ZNF277: variants seen among roughly 807,000 people sequenced by gnomAD.
The protein encoded by ZNF277 is nuclear receptor-interacting factor 4.
A neutral mutation model predicts 60.7 loss-of-function variants in ZNF277; 55 were observed. That is an observed-to-expected ratio of 0.91 (90% CI 0.73 to 1.13). The LOEUF (loss-of-function observed/expected upper bound fraction) is 1.13. Ranked by LOEUF, ZNF277 falls within the 50% of genes most tolerant of loss-of-function variation. The pLI is 0.00. For synonymous variants in ZNF277, 178 were observed against 179.3 expected, an observed-to-expected ratio of 0.99 and a Z score of 0.06; for missense variants, 510 against 523.0, an observed-to-expected ratio of 0.98 and a Z score of 0.24.
chr7:112,217,189 G>T (rs1459496449), intron 1 of ZNF277, among the ~76,000 whole-genome samples: 1 of 152,186 alleles, frequency 6.6e-6, no homozygotes, highest in Admixed American at 6.5e-5. Context: ...ACATTAGAGT[G>T]ATATACATAG....
intron 1 of ZNF277, among the ~76,000 whole-genome samples, chr7:112,209,797 T>C (rs1341773512): frequency 6.6e-6 from 1 of 152,226 alleles, no homozygotes; most frequent in East Asian, 1.9e-4. Context: ...CAAGTATGTC[T>C]TTCCCTGTAA....
rs1373194326 is a variant in ZNF277 at position 112,295,884 on chromosome 7, G to A, written c.309G>A (p.Trp103Ter). ...VADFQRYILY[W>*]RKRFTEQPIT... ...TTGTTCTAAGGTACATTTTATATTG[G>A]AGGAAAAGGTTCACTGAACAGCCCA... The change falls in exon 3 of 12, where the codon TGG (tryptophan) becomes TGA (stop). Residue 103 changes from tryptophan (W) to a stop codon, truncating the protein, a stop_gained. Coordinates refer to ENST00000361822, the MANE Select transcript of ZNF277 (RefSeq NM_021994.3). LOFTEE classifies it high-confidence loss of function. The A allele has an allele frequency of 1.2e-6, 2 of 1,611,738 alleles. No homozygotes were observed. Among genetic ancestry groups the A allele is most frequent in the South Asian group, 2.2e-5 (2 of 90,974 alleles).
intron 1 of ZNF277, among the ~76,000 whole-genome samples, chr7:112,282,458 T>G (rs1791968633): frequency 6.6e-6 from 1 of 152,260 alleles, no homozygotes; most frequent in Non-Finnish European, 1.5e-5. Context: ...CCTGCTTTTC[T>G]ACATGTATTC....
intron 1 of ZNF277, among the ~76,000 whole-genome samples, chr7:112,239,689 T>A (rs921371357): frequency 2.6e-5 from 4 of 152,282 alleles, no homozygotes; most frequent in Admixed American, 2.0e-4. Context: ...TTATTCAGTC[T>A]GAAAGAAAAG....
At chr7:112,308,288 G>A (rs1415214213) in intron 4 of ZNF277, among the ~76,000 whole-genome samples, 11 of 152,130 alleles carry the variant, frequency 7.2e-5, no homozygotes, top group Admixed American at 2.0e-4. Context: ...GGCGAGGCGG[G>A]CAGATCACTT....
intron 4 of ZNF277, among the ~76,000 whole-genome samples, chr7:112,305,097 C>G (rs1792559776): frequency 6.6e-6 from 1 of 152,072 alleles, no homozygotes; most frequent in Non-Finnish European, 1.5e-5. Context: ...ATGCTCTTCT[C>G]TAGAATCTCA....
chr7:112,315,629 A>G (rs1792827404), intron 4 of ZNF277, among the ~76,000 whole-genome samples: 1 of 152,116 alleles, frequency 6.6e-6, no homozygotes, highest in South Asian at 2.1e-4. Context: ...TATGTCTTGA[A>G]TTTCGAATAC....
chr7:112,335,089 T>G (rs1793303989), intron 7 of ZNF277, among the ~76,000 whole-genome samples: 1 of 152,186 alleles, frequency 6.6e-6, no homozygotes, highest in Admixed American at 6.5e-5. Flanking sequence ...TAAATCATAA[T>G]GGCACTCATA....
chr7:112,216,838 T>G (rs1821897732), intron 1 of ZNF277, among the ~76,000 whole-genome samples: 1 of 152,226 alleles, frequency 6.6e-6, no homozygotes, highest in South Asian at 2.1e-4. Flanking sequence ...GTGTGTGTCA[T>G]TGATCAGGTG....
chr7:112,252,306 G>T (rs1367630231), intron 1 of ZNF277, among the ~76,000 whole-genome samples: 5 of 152,130 alleles, frequency 3.3e-5, no homozygotes, highest in African/African-American at 1.2e-4. Flanking sequence ...CTGCTGAGTG[G>T]AATACTGAAC....
At chr7:112,231,792 A>C (rs1045506295) in intron 1 of ZNF277, among the ~76,000 whole-genome samples, 25 of 151,964 alleles carry the variant, frequency 1.6e-4, no homozygotes, top group African/African-American at 6.0e-4. Flanking sequence ...CAACCACGGA[A>C]CTTTGTTAAT....
At chr7:112,208,311 G>T (rs1323985951) in intron 1 of ZNF277, among the ~76,000 whole-genome samples, 8 of 152,020 alleles carry the variant, frequency 5.3e-5, no homozygotes, top group Admixed American at 2.6e-4. Context: ...GGAGGCGGAG[G>T]TTGTGGTGAG....
chr7:112,325,387 GC>G (rs1793071187), intron 5 of ZNF277, among the ~76,000 whole-genome samples: 1 of 152,168 alleles, frequency 6.6e-6, no homozygotes, highest in Non-Finnish European at 1.5e-5. Context: ...TCTCCTTCCA[GC>G]TCTTAGATGT....
intron 1 of ZNF277, among the ~76,000 whole-genome samples, chr7:112,219,233 C>G (rs1821964861): frequency 6.6e-6 from 1 of 152,064 alleles, no homozygotes; most frequent in African/African-American, 2.4e-5. Flanking sequence ...CTTCATATAC[C>G]TGTTAGCTTT....
At chr7:112,266,819 C>G (rs1310620304) in intron 1 of ZNF277, among the ~76,000 whole-genome samples, 2 of 151,922 alleles carry the variant, frequency 1.3e-5, no homozygotes, top group African/African-American at 4.8e-5. Context: ...ATTTATAGTT[C>G]TGGGTCTTCT....
chr7:112,246,425 G>A (rs1791088014), intron 1 of ZNF277, among the ~76,000 whole-genome samples: 1 of 151,908 alleles, frequency 6.6e-6, no homozygotes, highest in African/African-American at 2.4e-5. Context: ...ACCCAACCAA[G>A]GTAAGTATAT....
intron 1 of ZNF277, among the ~76,000 whole-genome samples, chr7:112,227,814 G>A (rs757505417): frequency 7.2e-5 from 11 of 151,892 alleles, no homozygotes; most frequent in Middle Eastern, 3.4e-3. Context: ...AGCTACATAC[G>A]TCTTTGTAGC....
intron 1 of ZNF277, among the ~76,000 whole-genome samples, chr7:112,268,151 T>C (rs889298034): frequency 6.6e-6 from 1 of 152,062 alleles, no homozygotes; most frequent in African/African-American, 2.4e-5. Context: ...AAAGTGACCA[T>C]GTATGAAAGT....
intron 4 of ZNF277, among the ~76,000 whole-genome samples, chr7:112,316,464 C>A (rs1240611383): frequency 6.6e-6 from 1 of 151,634 alleles, no homozygotes; most frequent in Non-Finnish European, 1.5e-5. Context: ...GGATATTAGC[C>A]CTTTGTCAGA....
Sources: gnomAD v4.1 joint callset for allele counts (sites outside exome capture counted in the v4.1 genomes callset) on GRCh38, gnomAD v4.1.1 for gene constraint, MANE v1.5 for transcripts, NCBI Gene and HGNC (gene_info 2026-07-23, HGNC 2026-07-21) for gene names.